The following PHACTR1 variants were observed in gnomAD, a reference collection of about 807,000 sequenced individuals.
PHACTR1 encodes the protein phosphatase and actin regulator 1, also known as RPEL repeat containing 1.
In PHACTR1, 16 loss-of-function variants were observed where a neutral mutation model predicts 69.2. The ratio of observed to expected loss-of-function variants is 0.23; its 90% CI spans 0.16 to 0.35. The LOEUF is 0.35. Among genes scored for constraint, PHACTR1 ranks in the 10% least tolerant of loss-of-function variants. PHACTR1 has a pLI of 1.00. For missense variants in PHACTR1, 510 were observed against 734.7 expected (o/e 0.69, Z 3.54); for synonymous variants, 312 against 284.5 (o/e 1.10, Z -0.97).
chr6:12,893,885 C>A (rs1260397312), intron 4 of PHACTR1, among the ~76,000 whole-genome samples: 1 of 152,164 alleles, frequency 6.6e-6, no homozygotes, highest in Non-Finnish European at 1.5e-5. Context: ...GATTCTGGAA[C>A]CCCTCTATGT....
At chr6:12,882,032 G>T (rs1783148603) in intron 4 of PHACTR1, among the ~76,000 whole-genome samples, 1 of 152,176 alleles carries the variant, frequency 6.6e-6, no homozygotes, top group Non-Finnish European at 1.5e-5. Flanking sequence ...TGCTGCAGGA[G>T]AATTAAAGAC....
rs780376726 is a variant in PHACTR1 at position 13,283,319 on chromosome 6, C to T, written c.1510-103C>T. The T allele has an allele frequency of 8.5e-6, 12 of 1,419,362 alleles. No individual in the cohort carries two copies. The highest frequency in any genetic ancestry group is 1.9e-4 in the Middle Eastern group (1 of 5,296). The allele number at this position is 1,419,362 out of a possible 1,614,324, so 87.9% of individuals were successfully genotyped here. ...CACTCACTATGCGATGCATCCATCG[C>T]CTCACTGAACCTTATTTTCCACACC... On this transcript the variant is annotated intron_variant, in intron 12 of 14. Transcript: ENST00000332995. This position sits in a 1 kb window ranked among gnomAD's most constrained non-coding sequence, Gnocchi z 4.7.
chr6:13,169,713 GC>G (rs1339281966), intron 6 of PHACTR1, among the ~76,000 whole-genome samples: 1 of 152,096 alleles, frequency 6.6e-6, no homozygotes, highest in African/African-American at 2.4e-5. Flanking sequence ...GAATAAAAGT[GC>G]CCTTTTGATT....
intron 4 of PHACTR1, among the ~76,000 whole-genome samples, chr6:12,952,874 T>C (rs952232255): frequency 1.3e-5 from 2 of 152,206 alleles, no homozygotes; most frequent in South Asian, 4.1e-4. Flanking sequence ...ATTGGATGGT[T>C]GGTCTGTCCA....
chr6:12,767,976 T>C (rs1358584637), intron 4 of PHACTR1, among the ~76,000 whole-genome samples: 1 of 152,170 alleles, frequency 6.6e-6, no homozygotes, highest in Non-Finnish European at 1.5e-5. Flanking sequence ...ATGTAGAAAG[T>C]GAGACCTGGC....
intron 6 of PHACTR1, among the ~76,000 whole-genome samples, chr6:13,178,872 A>G (rs1481967366): frequency 6.6e-6 from 1 of 152,230 alleles, no homozygotes; most frequent in Non-Finnish European, 1.5e-5. Context: ...TTAGTGAGGC[A>G]AGTTACGTTC....
At position 13,227,915 on chromosome 6, in the gene PHACTR1, A is replaced by C. The variant is rs773810029; in HGVS notation, c.1086A>C (p.Ile362=). ...CAGGACCTATGGGCCTTCCAGAAAT[A>C]AGACAAGTGCCAACTGTTGTGATTG... The part of the protein sequence containing the change: ...TKAGPMGLPE[I]RQVPTVVIEC... Residue 362 remains isoleucine, a synonymous_variant, in exon 9 of 15, where the codon ATA becomes ATC. Transcript: ENST00000332995. 6.8e-6 allele frequency: 11 copies of C among 1,614,026 alleles called. No individual in the cohort carries two copies. The highest frequency in any genetic ancestry group is 9.3e-6 in the Non-Finnish European group (11 of 1,179,896).
chr6:13,110,326 G>T (rs1351465551), intron 5 of PHACTR1, among the ~76,000 whole-genome samples: 1 of 152,160 alleles, frequency 6.6e-6, no homozygotes, highest in African/African-American at 2.4e-5. Flanking sequence ...TGGATGTAAG[G>T]TAGCTTTTCC....
intron 6 of PHACTR1, among the ~76,000 whole-genome samples, chr6:13,164,404 G>A (rs1759482826): frequency 6.6e-6 from 1 of 152,108 alleles, no homozygotes. Context: ...ATCTCCTTGT[G>A]TTAGCGCACA....
At chr6:12,735,785 G>A (rs1764164021) in intron 3 of PHACTR1, among the ~76,000 whole-genome samples, 1 of 152,190 alleles carries the variant, frequency 6.6e-6, no homozygotes, top group Admixed American at 6.5e-5. Flanking sequence ...CATCCTTCAA[G>A]GTATGGCTGT....
chr6:13,241,439 T>A (rs1226165701), intron 10 of PHACTR1, among the ~76,000 whole-genome samples: 3 of 152,152 alleles, frequency 2.0e-5, no homozygotes, highest in African/African-American at 4.8e-5. Context: ...CGTGCAGGAA[T>A]CTGCATTTTA....
At chr6:12,939,393 A>G (rs1307032069) in intron 4 of PHACTR1, among the ~76,000 whole-genome samples, 1 of 152,134 alleles carries the variant, frequency 6.6e-6, no homozygotes, top group Non-Finnish European at 1.5e-5. Flanking sequence ...TCTGGACTGG[A>G]TGTCAGAAAA....
At chr6:13,081,799 C>T (rs1811422003) in intron 5 of PHACTR1, among the ~76,000 whole-genome samples, 1 of 152,138 alleles carries the variant, frequency 6.6e-6, no homozygotes, top group African/African-American at 2.4e-5. Context: ...TGCACTTCAG[C>T]CTAGGCGATG....
At chr6:12,910,816 C>G (rs1463206984) in intron 4 of PHACTR1, among the ~76,000 whole-genome samples, 1 of 152,202 alleles carries the variant, frequency 6.6e-6, no homozygotes. Context: ...GGATCTGAAT[C>G]AGATCTGGCT....
At chr6:13,261,241 GC>G (rs144877834) in intron 10 of PHACTR1, among the ~76,000 whole-genome samples, 1 of 152,298 alleles carries the variant, frequency 6.6e-6, no homozygotes, top group East Asian at 1.9e-4. Context: ...GAAGAGGCTG[GC>G]GTAGGAGGAC....
At chr6:13,252,050 G>C (rs1774489665) in intron 10 of PHACTR1, among the ~76,000 whole-genome samples, 1 of 140,686 alleles carries the variant, frequency 7.1e-6, no homozygotes, top group Admixed American at 7.7e-5. Flanking sequence ...ACAAGATCCT[G>C]CCTTAAAAAA....
At chr6:12,811,144 T>C (rs920140451) in intron 4 of PHACTR1, among the ~76,000 whole-genome samples, 3 of 152,186 alleles carry the variant, frequency 2.0e-5, no homozygotes, top group African/African-American at 7.2e-5. Flanking sequence ...AGATGCTCCG[T>C]TGGCTTGTTT....
At chr6:12,721,133 C>G (rs932039448) in intron 3 of PHACTR1, among the ~76,000 whole-genome samples, 45 of 152,332 alleles carry the variant, frequency 3.0e-4, no homozygotes, top group Non-Finnish European at 3.1e-4. Context: ...CGCCTGTAAT[C>G]CCAACACTTT....
At chr6:13,035,691 CTAT>C (rs1803198948) in intron 4 of PHACTR1, among the ~76,000 whole-genome samples, 1 of 152,164 alleles carries the variant, frequency 6.6e-6, no homozygotes. Context: ...TATGAAGAAA[CTAT>C]TATTATTCTC....
Sources: gnomAD v4.1 joint callset for allele counts (sites outside exome capture counted in the v4.1 genomes callset) on GRCh38, gnomAD v4.1.1 for gene constraint, Gnocchi (gnomAD v3.1) non-coding constraint, MANE v1.5 for transcripts, NCBI Gene and HGNC (gene_info 2026-07-23, HGNC 2026-07-21) for gene names.